Variants in EPHA3 observed in about 807,000 individuals in gnomAD.
EPHA3 encodes EPH receptor A3, also known as ephrin type-A receptor 3.
In EPHA3, 42 loss-of-function variants were observed where a neutral mutation model predicts 107.1. The observed-to-expected ratio is 0.39, with a 90% CI of 0.31 to 0.51. The LOEUF is 0.51. Ranked by LOEUF, EPHA3 falls within the 20% of genes least tolerant of loss-of-function variation. The probability of loss-of-function intolerance (pLI) is 0.78; values close to 1 mark genes in which losing one functional copy is unlikely to be tolerated. For missense variants in EPHA3, 1,183 were observed against 1,211.2 expected, an observed-to-expected ratio of 0.98 and a Z score of 0.35; for synonymous variants, 461 against 424.8, an observed-to-expected ratio of 1.09 and a Z score of -1.05.
At chr3:89,348,930 G>A (rs780735646) in intron 5 of EPHA3, among the ~76,000 whole-genome samples, 6,472 of 102,378 alleles carry the variant, frequency 0.063, 337 homozygotes, top group Middle Eastern at 0.15. Context: ...GTGGCTTTGA[G>A]TGAGATTCTT....
chr3:89,167,241 A>G (rs546832886), intron 2 of EPHA3, among the ~76,000 whole-genome samples: 118 of 152,290 alleles, frequency 7.7e-4, no homozygotes, highest in Non-Finnish European at 1.5e-3. Flanking sequence ...CAGAGTTTTT[A>G]TTTTGTGATA....
At chr3:89,380,708 C>T (rs1708484069) in intron 5 of EPHA3, among the ~76,000 whole-genome samples, 1 of 150,104 alleles carries the variant, frequency 6.7e-6, no homozygotes, top group Admixed American at 6.7e-5. Context: ...CACAAAGCAA[C>T]ATATAGTAAA....
chr3:89,204,596 ATC>A (rs1449353045), intron 2 of EPHA3, among the ~76,000 whole-genome samples: 4 of 117,226 alleles, frequency 3.4e-5, no homozygotes, highest in Non-Finnish European at 5.4e-5. Context: ...AGAAATATAT[ATC>A]TGTGTGTAAA....
intron 13 of EPHA3, among the ~76,000 whole-genome samples, chr3:89,448,382 T>TA (rs1394612610): frequency 2.6e-5 from 4 of 152,264 alleles, no homozygotes; most frequent in Admixed American, 2.0e-4. Context: ...GCCTGACACT[T>TA]ACGAAACAAA....
At chr3:89,274,672 G>A (rs1316665179) in intron 3 of EPHA3, among the ~76,000 whole-genome samples, 2 of 152,000 alleles carry the variant, frequency 1.3e-5, no homozygotes, top group African/African-American at 2.4e-5. Context: ...AGAGCCATCA[G>A]TTTAATATAG....
At chr3:89,344,549 G>A (rs1707599412) in intron 5 of EPHA3, among the ~76,000 whole-genome samples, 1 of 152,122 alleles carries the variant, frequency 6.6e-6, no homozygotes, top group African/African-American at 2.4e-5. Flanking sequence ...ATGATTAGAA[G>A]CAATGCCTTT....
At chr3:89,382,812 C>T (rs1247302906) in intron 5 of EPHA3, among the ~76,000 whole-genome samples, 2 of 152,104 alleles carry the variant, frequency 1.3e-5, no homozygotes, top group African/African-American at 4.8e-5. Context: ...AGAGGAAAGG[C>T]TCTGGATTGG....
intron 3 of EPHA3, among the ~76,000 whole-genome samples, chr3:89,275,264 C>A (rs1427013212): frequency 6.6e-6 from 1 of 151,996 alleles, no homozygotes; most frequent in African/African-American, 2.4e-5. Flanking sequence ...TCATGTTCTT[C>A]AGAAATCACT....
At chr3:89,161,346 A>G (rs1704937070) in intron 2 of EPHA3, among the ~76,000 whole-genome samples, 1 of 152,166 alleles carries the variant, frequency 6.6e-6, no homozygotes, top group African/African-American at 2.4e-5. Flanking sequence ...AAAGCCATTA[A>G]TAGTATTAGT....
intron 5 of EPHA3, among the ~76,000 whole-genome samples, chr3:89,360,928 C>T (rs1708078635): frequency 6.6e-6 from 1 of 150,880 alleles, no homozygotes; most frequent in Non-Finnish European, 1.5e-5. Flanking sequence ...ATTTAACACT[C>T]ACTTCTCATA....
chr3:89,477,315 C>T (rs2107579794), intron 16 of EPHA3, among the ~76,000 whole-genome samples: 1 of 152,224 alleles, frequency 6.6e-6, no homozygotes, highest in East Asian at 1.9e-4. Context: ...TAAGGCAAGG[C>T]ACAAGCTCTC....
At position 89,173,067 on chromosome 3, in the gene EPHA3, A is replaced by T. The variant is rs186132952; in HGVS notation, c.154-36793A>T. On this transcript the variant is annotated intron_variant, in intron 2 of 16. Transcript: ENST00000336596. ...GAATCTGTAAATATGTTTCATATGTACATAGGTAGAGATAGATATACATAT... is the reference window on the plus strand; with the variant it reads ...GAATCTGTAAATATGTTTCATATGTTCATAGGTAGAGATAGATATACATAT... Among the ~76,000 whole-genome samples, 4 of 152,126 alleles carry T rather than the reference A, an allele frequency of 2.6e-5. No homozygotes were observed. In the South Asian group the frequency reaches 8.3e-4, roughly 31 times the overall value.
chr3:89,394,539 G>T (rs114035803), intron 5 of EPHA3, among the ~76,000 whole-genome samples: 1 of 152,164 alleles, frequency 6.6e-6, no homozygotes, highest in South Asian at 2.1e-4. Flanking sequence ...TTGGTGTACA[G>T]TTTTCTCTGA....
At chr3:89,228,453 C>T (rs753539933) in intron 3 of EPHA3, among the ~76,000 whole-genome samples, 3 of 151,794 alleles carry the variant, frequency 2.0e-5, no homozygotes, top group African/African-American at 2.4e-5. Flanking sequence ...TGTCATTCAA[C>T]GTGTTAGGGA....
At chr3:89,254,959 G>C (rs1705247170) in intron 3 of EPHA3, among the ~76,000 whole-genome samples, 1 of 152,170 alleles carries the variant, frequency 6.6e-6, no homozygotes, top group South Asian at 2.1e-4. Context: ...CAAAGAGAAG[G>C]AGACTTCTGT....
chr3:89,340,744 C>A (rs1707499645), intron 3 of EPHA3, among the ~76,000 whole-genome samples, 172 bp from the exon 4 acceptor site: 1 of 152,114 alleles, frequency 6.6e-6, no homozygotes. Context: ...CAAATTCAAG[C>A]ATTTATGTAG....
At chr3:89,241,441 A>AACT in intron 3 of EPHA3, among the ~76,000 whole-genome samples, 1 of 152,310 alleles carries the variant, frequency 6.6e-6, no homozygotes, top group African/African-American at 2.4e-5. Flanking sequence ...ATCTTGAAAT[A>AACT]ACTATTTCTA....
intron 3 of EPHA3, among the ~76,000 whole-genome samples, chr3:89,252,985 T>C (rs1366328914): frequency 6.6e-6 from 1 of 151,842 alleles, no homozygotes; most frequent in African/African-American, 2.4e-5. Flanking sequence ...GCTTTACTTC[T>C]CTCTGCCCCC....
In EPHA3 at chr3:89,210,329, A is replaced by C. The variant is rs1706243550; in HGVS notation, c.623A>C (p.Asn208Thr). 7 of 1,613,644 alleles carry C rather than the reference A, an allele frequency of 4.3e-6. No individual in the cohort carries two copies. Among genetic ancestry groups the C allele is most frequent in the Non-Finnish European group, 5.9e-6 (7 of 1,179,794 alleles). The stretch of plus-strand genomic sequence containing the variant: ...AAAAAGTGCCCATTTACAGTGAAGA[A>C]TCTGGCTATGTTTCCAGACACGGTA... ...YFKKCPFTVKNLAMFPDTVPM... is the reference protein window; with the variant it reads ...YFKKCPFTVKTLAMFPDTVPM... The change falls in exon 3 of 17, where the codon AAT becomes ACT. Residue 208 changes from asparagine to threonine, a missense_variant. Coordinates refer to ENST00000336596, the MANE Select transcript of EPHA3 (RefSeq NM_005233.6).
Sources: allele counts gnomAD v4.1 joint callset (sites outside exome capture counted in the v4.1 genomes callset), GRCh38; gene constraint gnomAD v4.1.1; transcripts MANE v1.5; gene names NCBI Gene and HGNC (gene_info 2026-07-23, HGNC 2026-07-21).